CEP70: variants seen among roughly 807,000 people sequenced by gnomAD.
CEP70 encodes centrosomal protein 70.
CEP70 carries 70 observed loss-of-function variants against 90.9 expected under a neutral mutation model. The observed-to-expected ratio is 0.77, with a 90% confidence interval of 0.64 to 0.94. CEP70 has a LOEUF of 0.94. CEP70 is among the 40% of genes least tolerant of loss of function. The probability of loss-of-function intolerance (pLI) is 0.00; values close to 1 mark genes in which losing one functional copy is unlikely to be tolerated. For synonymous variants in CEP70, 220 were observed against 228.3 expected (o/e 0.96, Z 0.33); for missense variants, 648 against 669.0 (o/e 0.97, Z 0.35).
intron 6 of CEP70, among the ~76,000 whole-genome samples, chr3:138,555,021 G>C (rs2039896988): frequency 6.6e-6 from 1 of 152,062 alleles, no homozygotes; most frequent in Non-Finnish European, 1.5e-5. Context: ...CTGGGAGGCG[G>C]GTAGATCATC....
At chr3:138,567,387 G>A (rs2040866268) in intron 6 of CEP70, among the ~76,000 whole-genome samples, 1 of 152,158 alleles carries the variant, frequency 6.6e-6, no homozygotes, top group African/African-American at 2.4e-5. Context: ...TGATTAGTAT[G>A]GTGAAGAATA....
chr3:138,557,312 C>G (rs1478821934), intron 6 of CEP70, among the ~76,000 whole-genome samples: 1 of 152,014 alleles, frequency 6.6e-6, no homozygotes, highest in Non-Finnish European at 1.5e-5. Context: ...CACACATGCT[C>G]TACAAACAAT....
chr3:138,507,991 T>A (rs991472025), intron 12 of CEP70, among the ~76,000 whole-genome samples: 11 of 152,154 alleles, frequency 7.2e-5, no homozygotes, highest in South Asian at 6.2e-4. Flanking sequence ...CAATAAATGA[T>A]CTATAAAACT....
chr3:138,534,529 T>C (rs1223755947), intron 7 of CEP70, among the ~76,000 whole-genome samples: 1 of 152,240 alleles, frequency 6.6e-6, no homozygotes, highest in Non-Finnish European at 1.5e-5. Context: ...GGAGGACTTA[T>C]TACATGTTAA....
intron 11 of CEP70, among the ~76,000 whole-genome samples, chr3:138,509,230 T>C (rs892320945): frequency 6.6e-6 from 1 of 152,084 alleles, no homozygotes; most frequent in Non-Finnish European, 1.5e-5. Context: ...TCCAACGTGC[T>C]CCAAGATCAC....
chr3:138,529,358 T>C lies in CEP70; in HGVS notation c.780+17A>G. 1.3e-6 allele frequency: 2 copies of C among 1,579,642 alleles called. No individual in the cohort carries two copies. Among genetic ancestry groups the C allele is most frequent in the Non-Finnish European group, 1.7e-6 (2 of 1,157,152 alleles). The stretch of plus-strand genomic sequence containing the variant: ...TAGTTTATTAAAAAGTATTTATTAG[T>C]TATGCAGTCCCCATACCATTAAAAG... On this transcript the variant is annotated intron_variant, in intron 9 of 17. Coordinates refer to ENST00000264982, the MANE Select transcript of CEP70 (RefSeq NM_024491.4).
intron 6 of CEP70, among the ~76,000 whole-genome samples, chr3:138,548,146 C>T (rs554945842): frequency 4.5e-4 from 68 of 152,210 alleles, no homozygotes; most frequent in African/African-American, 1.5e-3. Context: ...AGGCCAAATT[C>T]AATAGCATAT....
At chr3:138,567,136 A>T (rs2040848378) in intron 6 of CEP70, among the ~76,000 whole-genome samples, 1 of 152,218 alleles carries the variant, frequency 6.6e-6, no homozygotes, top group Non-Finnish European at 1.5e-5. Context: ...TTAATAGCCC[A>T]TGCCAACTGA....
intron 7 of CEP70, among the ~76,000 whole-genome samples, chr3:138,535,202 T>C (rs1454350337): frequency 4.6e-5 from 7 of 152,188 alleles, no homozygotes; most frequent in Admixed American, 3.9e-4. Flanking sequence ...CCCAAACACA[T>C]TCACTTTTCC....
intron 17 of CEP70, chr3:138,496,759 A>G: frequency 1.0e-6 from 1 of 985,452 alleles, no homozygotes; most frequent in Non-Finnish European, 1.2e-6. Context: ...AATGTTTAAC[A>G]CCAGAACTTC....
At chr3:138,554,344 C>T (rs1161676047) in intron 6 of CEP70, among the ~76,000 whole-genome samples, 1 of 152,088 alleles carries the variant, frequency 6.6e-6, no homozygotes, top group Non-Finnish European at 1.5e-5. Context: ...TGAAAGCATT[C>T]CCTTTGAGAA....
intron 2 of CEP70, among the ~76,000 whole-genome samples, chr3:138,574,303 T>A (rs1343727514): frequency 6.6e-6 from 1 of 152,222 alleles, no homozygotes; most frequent in African/African-American, 2.4e-5. Context: ...CATGCCTGGC[T>A]CAGTGGGTCC....
At chr3:138,542,251 T>G (rs1033334439) in intron 6 of CEP70, among the ~76,000 whole-genome samples, 1 of 152,108 alleles carries the variant, frequency 6.6e-6, no homozygotes, top group African/African-American at 2.4e-5. Flanking sequence ...CTGGACCAGA[T>G]GTACTGCAAG....
At chr3:138,528,757 C>T (rs576812584) in intron 10 of CEP70, among the ~76,000 whole-genome samples, 1 of 152,126 alleles carries the variant, frequency 6.6e-6, no homozygotes, top group South Asian at 2.1e-4. Flanking sequence ...TTTGGGGAGG[C>T]CAAGGAGAAA....
intron 6 of CEP70, among the ~76,000 whole-genome samples, chr3:138,552,167 T>G (rs907910642): frequency 6.6e-6 from 1 of 152,148 alleles, no homozygotes; most frequent in Non-Finnish European, 1.5e-5. Flanking sequence ...TGTTCCCAAA[T>G]TTATGAAACA....
intron 11 of CEP70, among the ~76,000 whole-genome samples, chr3:138,512,455 G>A (rs747689143): frequency 3.3e-5 from 5 of 151,946 alleles, no homozygotes; most frequent in Non-Finnish European, 7.4e-5. Context: ...TGACTTAATT[G>A]GCATTTTAGA....
At position 138,537,349 on chromosome 3, in the gene CEP70, T is replaced by C. The variant is rs2038367718; in HGVS notation, c.466-2A>G. On this transcript the variant is annotated splice_acceptor_variant, in intron 6 of 17. Transcript: ENST00000264982. LOFTEE classifies it high-confidence loss of function. ...TTTCTTATAATGCTGGCACTTCACC[T>C]ATAAGATATTTTTTAAAAACATGAT... The C allele has an allele frequency of 1.3e-6, 2 of 1,568,008 alleles. No individual in the cohort carries two copies. The highest frequency in any genetic ancestry group is 1.7e-6 in the Non-Finnish European group (2 of 1,159,368).
chr3:138,520,541 A>G (rs997221243), intron 11 of CEP70, among the ~76,000 whole-genome samples: 8 of 152,092 alleles, frequency 5.3e-5, no homozygotes, highest in Non-Finnish European at 7.4e-5. Flanking sequence ...ACTCAAAACC[A>G]CTCAACTACA....
intron 6 of CEP70, among the ~76,000 whole-genome samples, chr3:138,564,710 A>T (rs1421097443): frequency 6.6e-6 from 1 of 152,158 alleles, no homozygotes; most frequent in Non-Finnish European, 1.5e-5. Flanking sequence ...AAATAATAAG[A>T]GCTAATTATG....
Sources: allele counts gnomAD v4.1 joint callset (sites outside exome capture counted in the v4.1 genomes callset), GRCh38; gene constraint gnomAD v4.1.1; transcripts MANE v1.5; gene names NCBI Gene and HGNC (gene_info 2026-07-23, HGNC 2026-07-21).